The following PDK1 variants were observed in gnomAD, a reference collection of about 807,000 sequenced individuals.
PDK1 encodes the protein pyruvate dehydrogenase kinase 1, also known as [Pyruvate dehydrogenase (acetyl-transferring)] kinase isozyme 1, mitochondrial.
In PDK1, 39 loss-of-function variants were observed where a neutral mutation model predicts 54.2. The observed-to-expected ratio is 0.72, with a 90% CI of 0.56 to 0.94. The LOEUF (loss-of-function observed/expected upper bound fraction) is 0.94. PDK1 is among the 40% of genes least tolerant of loss of function. PDK1 has a pLI of 0.00. For missense variants in PDK1, 552 were observed against 566.0 expected, an observed-to-expected ratio of 0.98 and a Z score of 0.25; for synonymous variants, 221 against 207.1, an observed-to-expected ratio of 1.07 and a Z score of -0.58.
At chr2:172,672,899 G>C in the PDK1 span, among the ~76,000 whole-genome samples, 6 of 151,764 alleles carry the variant, frequency 4.0e-5, no homozygotes, top group African/African-American at 1.4e-4. Context: ...ACATACCCAA[G>C]TCATACAGCA....
At chr2:172,590,740 C>T (rs930303562) in intron 9 of PDK1, among the ~76,000 whole-genome samples, 4 of 151,036 alleles carry the variant, frequency 2.6e-5, no homozygotes, top group Non-Finnish European at 5.9e-5. Context: ...GCTTTTATTC[C>T]CTTATTTGGC....
chr2:172,689,629 A>G, the PDK1 span, among the ~76,000 whole-genome samples: 71 of 152,320 alleles, frequency 4.7e-4, no homozygotes, highest in African/African-American at 1.7e-3. Context: ...CCAAAACAGC[A>G]TGGTACTGGT....
At chr2:172,666,783 G>A in the PDK1 span, among the ~76,000 whole-genome samples, 1 of 152,142 alleles carries the variant, frequency 6.6e-6, no homozygotes, top group East Asian at 1.9e-4. Flanking sequence ...GGCAAGAGAC[G>A]TAAAGAATGA....
At chr2:172,632,540 A>G in the PDK1 span, among the ~76,000 whole-genome samples, 1 of 152,006 alleles carries the variant, frequency 6.6e-6, no homozygotes, top group African/African-American at 2.4e-5. Context: ...TCTAATATGT[A>G]CTTTGTTTTG....
chr2:172,668,181 A>G, the PDK1 span, among the ~76,000 whole-genome samples: 2 of 152,204 alleles, frequency 1.3e-5, no homozygotes, highest in Non-Finnish European at 2.9e-5. Context: ...CAGTGAATCT[A>G]GAAATCTGGT....
the PDK1 span, among the ~76,000 whole-genome samples, chr2:172,636,281 C>T: frequency 2.6e-5 from 4 of 152,164 alleles, no homozygotes; most frequent in African/African-American, 9.7e-5. Context: ...GCACTAGCAT[C>T]TGCTTCTAGT....
the PDK1 span, among the ~76,000 whole-genome samples, chr2:172,638,387 C>T: frequency 6.6e-6 from 1 of 152,150 alleles, no homozygotes; most frequent in Non-Finnish European, 1.5e-5. Context: ...ATAAAATCCT[C>T]CTTCCTATGA....
the PDK1 span, among the ~76,000 whole-genome samples, chr2:172,704,064 G>T: frequency 2.7e-4 from 41 of 152,198 alleles, 1 homozygote; most frequent in African/African-American, 9.9e-4. Flanking sequence ...GTGAGCCACC[G>T]TGCCCGGCCT....
downstream of PDK1, among the ~76,000 whole-genome samples, chr2:172,610,644 T>G (rs2149330472): frequency 6.6e-6 from 1 of 152,294 alleles, no homozygotes; most frequent in Middle Eastern, 3.4e-3. Flanking sequence ...GGAATCTCAC[T>G]CTCTTGCACA....
At chr2:172,644,796 C>T in the PDK1 span, among the ~76,000 whole-genome samples, 1 of 152,202 alleles carries the variant, frequency 6.6e-6, no homozygotes, top group Non-Finnish European at 1.5e-5. Flanking sequence ...TTATTCCATA[C>T]TTATTACACA....
chr2:172,627,448 G>C, the PDK1 span, among the ~76,000 whole-genome samples: 1 of 152,296 alleles, frequency 6.6e-6, no homozygotes, highest in East Asian at 1.9e-4. Context: ...ACATAAAAGA[G>C]ACAGCAGAAC....
At chr2:172,668,876 C>G in the PDK1 span, among the ~76,000 whole-genome samples, 21 of 63,742 alleles carry the variant, frequency 3.3e-4, no homozygotes, top group African/African-American at 9.6e-4. Context: ...TGTATGTACA[C>G]ACACACACAC....
the PDK1 span, among the ~76,000 whole-genome samples, chr2:172,699,754 A>T: frequency 1.0e-4 from 15 of 147,750 alleles, no homozygotes; most frequent in East Asian, 2.9e-3. Flanking sequence ...TTCTTTTTTT[A>T]TTATTATTTT....
chr2:172,653,767 G>C, the PDK1 span, among the ~76,000 whole-genome samples: 1 of 152,166 alleles, frequency 6.6e-6, no homozygotes, highest in African/African-American at 2.4e-5. Flanking sequence ...AGCCAAAATT[G>C]AGAAATGGGA....
At position 172,600,685 on chromosome 2, in the gene PDK1, AGTGAGGAGGGGGCTC is replaced by A. The variant is rs1379960241; in HGVS notation, c.*4717_*4731del. On this transcript the variant is annotated 3_prime_UTR_variant, in exon 11 of 11. Coordinates refer to ENST00000282077, the MANE Select transcript of PDK1 (RefSeq NM_002610.5). ...ATGTCAGGGTTTTTATAAATGGGCT[AGTGAGGAGGGGGCTC>A]ATGAGGAGGGGATATCTTATCCTCC... is the stretch of plus-strand genomic sequence containing the variant. 3 of 152,280 alleles carry A rather than the reference AGTGAGGAGGGGGCTC, an allele frequency of 2.0e-5. No individual in the cohort carries two copies. The highest frequency in any genetic ancestry group is 2.0e-4 in the Admixed American group (3 of 15,282). The allele number at this position is 152,280 out of a possible 1,614,324, so 9.4% of individuals were successfully genotyped here. A position where few individuals can be genotyped will look rare whatever the true frequency, so the allele number is the denominator to read the frequency against.
chr2:172,646,099 G>C, the PDK1 span, among the ~76,000 whole-genome samples: 1 of 152,100 alleles, frequency 6.6e-6, no homozygotes, highest in Admixed American at 6.5e-5. Flanking sequence ...GCCCCAACTG[G>C]ATTATTATAA....
intron 5 of PDK1, among the ~76,000 whole-genome samples, chr2:172,566,559 A>T (rs1031192353): frequency 4.4e-4 from 65 of 148,806 alleles, no homozygotes; most frequent in Admixed American, 4.4e-3. Flanking sequence ...TCTCAAAGGA[A>T]AAAAAAAAAG....
intron 3 of PDK1, among the ~76,000 whole-genome samples, 176 bp downstream of exon 3, chr2:172,562,467 G>T (rs901627877): frequency 1.3e-5 from 2 of 152,226 alleles, no homozygotes; most frequent in African/African-American, 4.8e-5. Context: ...AATGCTTCGT[G>T]TTCCTCTTTA....
the PDK1 span, among the ~76,000 whole-genome samples, chr2:172,655,024 C>T: frequency 2.0e-5 from 3 of 152,178 alleles, no homozygotes; most frequent in African/African-American, 7.2e-5. Flanking sequence ...CAAAAACAAG[C>T]ATGGTAGTCT....
Sources: gnomAD v4.1 joint callset for allele counts (sites outside exome capture counted in the v4.1 genomes callset) on GRCh38, gnomAD v4.1.1 for gene constraint, MANE v1.5 for transcripts, NCBI Gene and HGNC (gene_info 2026-07-23, HGNC 2026-07-21) for gene names.